SETD7: variants seen among roughly 807,000 people sequenced by gnomAD.
SETD7 encodes histone-lysine N-methyltransferase SETD7.
SETD7 carries 16 observed loss-of-function variants against 41.8 expected under a neutral mutation model. The observed-to-expected ratio is 0.38, with a 90% CI of 0.26 to 0.58. The LOEUF is 0.58. Ranked by LOEUF, SETD7 falls within the 20% of genes least tolerant of loss-of-function variation. The pLI, the probability that SETD7 is intolerant of heterozygous loss-of-function variation, is 0.64. For synonymous variants in SETD7, 163 were observed against 169.7 expected, an observed-to-expected ratio of 0.96 and a Z score of 0.31; for missense variants, 346 against 459.7, an observed-to-expected ratio of 0.75 and a Z score of 2.26.
chr4:139,526,206 A>T (rs1727326177), intron 4 of SETD7, among the ~76,000 whole-genome samples: 2 of 151,902 alleles, frequency 1.3e-5, no homozygotes, highest in African/African-American at 4.8e-5. Flanking sequence ...ACACTCTACC[A>T]CACCCAGCTA....
At chr4:139,514,982 A>T (rs543671118) in intron 7 of SETD7, among the ~76,000 whole-genome samples, 88 of 152,246 alleles carry the variant, frequency 5.8e-4, no homozygotes, top group Non-Finnish European at 4.1e-4. Context: ...CCTTACCAAC[A>T]TGGCATAAAC....
downstream of SETD7, among the ~76,000 whole-genome samples, chr4:139,503,859 C>T (rs1410981287): frequency 2.6e-5 from 4 of 152,324 alleles, no homozygotes; most frequent in Non-Finnish European, 1.5e-5. Context: ...AATCATAGTG[C>T]CCCTGTAGCC....
chr4:139,526,153 C>T lies in SETD7; in HGVS notation c.563-2718G>A, dbSNP rs201593274. Among the ~76,000 whole-genome samples the T allele has an allele frequency of 3.0e-4, 46 of 152,174 alleles. No homozygotes were observed. The East Asian group carries it at 8.1e-3, about 27-fold the overall frequency. On this transcript the variant is annotated intron_variant, in intron 4 of 7. Transcript: ENST00000274031. Reference sequence around the variant, plus strand: ...GCAACCTCCACTTCCCAGGTTCAAGCGGTTCTTGTGCCTCAGCCTCCTGAG... The same window carrying T: ...GCAACCTCCACTTCCCAGGTTCAAGTGGTTCTTGTGCCTCAGCCTCCTGAG...
At chr4:139,513,103 A>C (rs1448498104) in intron 7 of SETD7, among the ~76,000 whole-genome samples, 2 of 151,816 alleles carry the variant, frequency 1.3e-5, no homozygotes, top group Non-Finnish European at 2.9e-5. Context: ...AGCAAAGGAG[A>C]AGGTTCCAGG....
chr4:139,524,726 G>A (rs184717553), intron 4 of SETD7, among the ~76,000 whole-genome samples: 2 of 152,268 alleles, frequency 1.3e-5, no homozygotes, highest in Non-Finnish European at 2.9e-5. Flanking sequence ...CAATAATAGC[G>A]GGCAGTGAAA....
At chr4:139,551,622 C>T (rs1446965324) in intron 1 of SETD7, among the ~76,000 whole-genome samples, 2 of 151,872 alleles carry the variant, frequency 1.3e-5, no homozygotes, top group African/African-American at 4.9e-5. Context: ...ATGTCTCAGG[C>T]TTACTCACAA....
chr4:139,502,862 T>C (rs1343793526), downstream of SETD7, among the ~76,000 whole-genome samples: 4 of 152,026 alleles, frequency 2.6e-5, no homozygotes, highest in Non-Finnish European at 5.9e-5. Flanking sequence ...GGGATCAGGA[T>C]AGAAATTGGC....
chr4:139,530,760 T>C (rs1727463104), intron 3 of SETD7, among the ~76,000 whole-genome samples: 1 of 152,244 alleles, frequency 6.6e-6, no homozygotes, highest in Non-Finnish European at 1.5e-5. Context: ...AATGATAAAG[T>C]AGAAATTCTT....
At chr4:139,517,162 C>T (rs1193297967) in intron 7 of SETD7, among the ~76,000 whole-genome samples, 2 of 152,048 alleles carry the variant, frequency 1.3e-5, no homozygotes, top group Non-Finnish European at 2.9e-5. Context: ...CTTTATTTTC[C>T]TTCTTTCTTT....
At chr4:139,541,532 C>T (rs984017265) in intron 2 of SETD7, among the ~76,000 whole-genome samples, 14 of 152,166 alleles carry the variant, frequency 9.2e-5, no homozygotes, top group South Asian at 2.1e-4. Flanking sequence ...TCCTTTATCT[C>T]GGGACCGAGT....
chr4:139,499,423 C>G (rs1249110725), intron 7 of SETD7, among the ~76,000 whole-genome samples: 1 of 152,184 alleles, frequency 6.6e-6, no homozygotes, highest in Non-Finnish European at 1.5e-5. Flanking sequence ...GCCCCAGAGT[C>G]GCAAGATTTA....
chr4:139,528,788 C>T (rs543072272), intron 4 of SETD7, among the ~76,000 whole-genome samples: 18 of 152,304 alleles, frequency 1.2e-4, no homozygotes, highest in Admixed American at 9.2e-4. Flanking sequence ...GACCAGAAGC[C>T]TCAAGTCTGG....
At chr4:139,528,537 T>C (rs1727394208) in intron 4 of SETD7, among the ~76,000 whole-genome samples, 1 of 152,250 alleles carries the variant, frequency 6.6e-6, no homozygotes, top group Non-Finnish European at 1.5e-5. Context: ...CCCACTAATG[T>C]GTATGGTGTA....
intron 7 of SETD7, chr4:139,496,532 A>G (rs1474808629): frequency 1.4e-6 from 1 of 701,532 alleles, no homozygotes; most frequent in South Asian, 1.5e-5. Flanking sequence ...CTGAAATTGG[A>G]GAAGCAACTG....
rs368140697 is a variant in SETD7 at position 139,511,738 on chromosome 4, G to A, written c.1026C>T (p.Pro342=). 43 of 1,613,698 alleles carry A rather than the reference G, an allele frequency of 2.7e-5. No homozygotes were observed. The highest frequency in any genetic ancestry group is 8.0e-5 in the African/African-American group (6 of 74,864). ...TVAYGYDHSP[P]GKSGPEAPEW... is the part of the protein sequence containing the mutation. ...CAGGGGCTTCAGGCCCACTCTTCCC[G>A]GGGGGGCTGTGGTCATAGCCATAGG... The change falls in exon 8 of 8, where the codon CCC becomes CCT. Residue 342 remains proline (P), a synonymous_variant. Transcript: ENST00000274031.
intron 3 of SETD7, among the ~76,000 whole-genome samples, chr4:139,531,764 T>C (rs939786989): frequency 6.6e-6 from 1 of 152,230 alleles, no homozygotes; most frequent in African/African-American, 2.4e-5. Flanking sequence ...TTTCTTTTTA[T>C]TAGCACTTTT....
At chr4:139,546,677 T>C (rs1727957495) in intron 2 of SETD7, 2 of 512,274 alleles carry the variant, frequency 3.9e-6, no homozygotes, top group Non-Finnish European at 6.9e-6. Flanking sequence ...CCCCCAAATC[T>C]GGTATCTTTT....
intron 7 of SETD7, among the ~76,000 whole-genome samples, chr4:139,515,282 TC>T (rs1169309634): frequency 6.6e-6 from 1 of 152,166 alleles, no homozygotes; most frequent in African/African-American, 2.4e-5. Flanking sequence ...AGTAGTCTTC[TC>T]ATTACCCCAA....
At chr4:139,550,381 A>T (rs914100777) in intron 1 of SETD7, among the ~76,000 whole-genome samples, 6 of 152,174 alleles carry the variant, frequency 3.9e-5, no homozygotes, top group Admixed American at 1.3e-4. Context: ...AATCTATTCG[A>T]CGACAGCAGG....
Sources: allele counts gnomAD v4.1 joint callset (sites outside exome capture counted in the v4.1 genomes callset), GRCh38; gene constraint gnomAD v4.1.1; transcripts MANE v1.5; gene names NCBI Gene and HGNC (gene_info 2026-07-23, HGNC 2026-07-21).